The following TSHZ2 variants were observed in gnomAD, a reference collection of about 807,000 sequenced individuals.
TSHZ2 encodes teashirt zinc finger homeobox 2, also known as teashirt homolog 2.
In TSHZ2, 21 loss-of-function variants were observed where a neutral mutation model predicts 74.4. The ratio of observed to expected loss-of-function variants is 0.28; its 90% CI spans 0.20 to 0.41. The LOEUF (loss-of-function observed/expected upper bound fraction) is 0.41. Among genes scored for constraint, TSHZ2 ranks in the 10% least tolerant of loss-of-function variants. TSHZ2 has a pLI of 1.00. For synonymous variants in TSHZ2, 540 were observed against 515.3 expected, an observed-to-expected ratio of 1.05 and a Z score of -0.65; for missense variants, 1,244 against 1,293.5, an observed-to-expected ratio of 0.96 and a Z score of 0.59.
chr20:53,149,621 C>T (rs1331716816), intron 1 of TSHZ2, among the ~76,000 whole-genome samples: 4 of 152,158 alleles, frequency 2.6e-5, no homozygotes, highest in African/African-American at 9.7e-5. Flanking sequence ...GAGACCGTAA[C>T]AGGAAACCTC....
intron 2 of TSHZ2, among the ~76,000 whole-genome samples, chr20:53,323,136 G>A (rs997788606): frequency 6.6e-6 from 1 of 152,198 alleles, no homozygotes; most frequent in Non-Finnish European, 1.5e-5. Flanking sequence ...CCTGGGAGAA[G>A]ATTCTTTCCA....
chr20:53,190,468 T>C (rs1351447154), intron 1 of TSHZ2, among the ~76,000 whole-genome samples: 1 of 151,924 alleles, frequency 6.6e-6, no homozygotes, highest in Non-Finnish European at 1.5e-5. Flanking sequence ...CTGGGCAGAA[T>C]GGAAAATGGA....
intron 1 of TSHZ2, among the ~76,000 whole-genome samples, chr20:53,025,275 AT>A (rs1175325813): frequency 7.2e-5 from 11 of 152,280 alleles, no homozygotes; most frequent in Non-Finnish European, 4.4e-5. Flanking sequence ...AAGAGCAAAC[AT>A]TTAATATGGT....
Position 53,268,473 on chromosome 20 carries a change from C to T in TSHZ2, c.*8+11902C>T, listed in dbSNP as rs757807043. 4.7e-4 allele frequency among the ~76,000 whole-genome samples: 71 copies of T among 152,118 alleles called. 1 individual carries two copies. Among genetic ancestry groups the T allele is most frequent in the Admixed American group, 3.3e-3 (51 of 15,268 alleles). Reference sequence around the variant, plus strand: ...AAAAGACTGCCTATCCAGGCAATAGCGTGACTTAGAAACAGGATTTGAGTA... The same window carrying T: ...AAAAGACTGCCTATCCAGGCAATAGTGTGACTTAGAAACAGGATTTGAGTA... On this transcript the variant is annotated intron_variant, in intron 2 of 2. Transcript: ENST00000371497.
chr20:53,450,216 T>C (rs2145780158), intron 2 of TSHZ2, among the ~76,000 whole-genome samples: 1 of 152,364 alleles, frequency 6.6e-6, no homozygotes, highest in South Asian at 2.1e-4. Context: ...TTTGGCCTGG[T>C]CTCTCTTTTG....
At chr20:53,166,634 G>A (rs1988068819) in intron 1 of TSHZ2, among the ~76,000 whole-genome samples, 1 of 152,086 alleles carries the variant, frequency 6.6e-6, no homozygotes, top group Admixed American at 6.6e-5. Flanking sequence ...AGTCAGGCAT[G>A]GTGGCACATG....
chr20:53,098,848 A>G (rs1281682862), intron 1 of TSHZ2, among the ~76,000 whole-genome samples: 2 of 152,212 alleles, frequency 1.3e-5, no homozygotes, highest in Non-Finnish European at 2.9e-5. Context: ...AGTTTATCCT[A>G]TAACATAAGA....
At position 53,228,038 on chromosome 20, in the gene TSHZ2, TG is replaced by T. The variant is rs1180442460; in HGVS notation, c.41-25460del. ...AATGGTGTTTTTTTTTTTTTTTTTT[TG>T]ATTCTGGTTTGTTGCTGGTATCATT... On this transcript the variant is annotated intron_variant, in intron 1 of 2. Transcript: ENST00000371497. Among the ~76,000 whole-genome samples, 606 of 125,944 alleles carry T rather than the reference TG, an allele frequency of 4.8e-3. 6 individuals carry two copies. The highest frequency in any genetic ancestry group is 0.017 in the African/African-American group (514 of 30,228). 82.6% of individuals were successfully genotyped at this position (125,944 alleles called of 152,430 possible). A position where few individuals can be genotyped will look rare whatever the true frequency, so the allele number is the denominator to read the frequency against.
intron 1 of TSHZ2, among the ~76,000 whole-genome samples, chr20:53,176,378 G>A (rs1988337052): frequency 6.6e-6 from 1 of 152,202 alleles, no homozygotes; most frequent in Admixed American, 6.5e-5. Context: ...TTGGGAGGAG[G>A]TGTCTGCTAG....
chr20:53,344,795 C>A (rs1406517914), intron 2 of TSHZ2, among the ~76,000 whole-genome samples: 2 of 152,184 alleles, frequency 1.3e-5, no homozygotes, highest in African/African-American at 4.8e-5. Flanking sequence ...AAGTTTACAA[C>A]CTTCACTTTC....
chr20:53,287,485 G>A (rs747843532), intron 2 of TSHZ2, among the ~76,000 whole-genome samples: 45 of 152,216 alleles, frequency 3.0e-4, no homozygotes, highest in Non-Finnish European at 1.3e-4. Flanking sequence ...TAAGTAACAT[G>A]TGTACCCTAA....
chr20:53,255,198 A>G lies in TSHZ2; in HGVS notation c.1740A>G (p.Pro580=). ...NLTNKLRPIA[P]KWKVMPLVSM... is the part of the protein sequence containing the mutation. ...CCAACAAGCTGAGGCCCATTGCACCAAAGTGGAAAGTGATGCCACTGGTTT... is the reference window on the plus strand; with the variant it reads ...CCAACAAGCTGAGGCCCATTGCACCGAAGTGGAAAGTGATGCCACTGGTTT... The change falls in exon 2 of 3, where the codon CCA becomes CCG. Residue 580 remains proline, a synonymous_variant. Transcript: ENST00000371497. This position sits in a 1 kb window ranked among gnomAD's most constrained non-coding sequence, Gnocchi z 4.1. 6.2e-7 allele frequency: 1 copy of G among 1,614,218 alleles called. No homozygotes were observed. The highest frequency in any genetic ancestry group is 8.5e-7 in the Non-Finnish European group (1 of 1,180,044).
intron 1 of TSHZ2, among the ~76,000 whole-genome samples, chr20:53,225,667 T>G (rs1989668518): frequency 1.3e-5 from 2 of 152,212 alleles, no homozygotes. Context: ...AAGAAACTGG[T>G]ACTCAGAAAA....
chr20:53,391,451 T>TG (rs1318912165), intron 2 of TSHZ2, among the ~76,000 whole-genome samples: 6 of 150,812 alleles, frequency 4.0e-5, no homozygotes, highest in Non-Finnish European at 8.9e-5. Flanking sequence ...GGCCGTTTTT[T>TG]TTGTTTGTTT....
intron 1 of TSHZ2, among the ~76,000 whole-genome samples, chr20:53,199,016 C>A (rs1020490854): frequency 2.0e-5 from 3 of 152,206 alleles, no homozygotes; most frequent in Non-Finnish European, 4.4e-5. Flanking sequence ...GGAATCCCAC[C>A]TCTGATGCCC....
chr20:52,993,962 C>T (rs532514365), intron 1 of TSHZ2, among the ~76,000 whole-genome samples: 22 of 152,226 alleles, frequency 1.4e-4, no homozygotes, highest in African/African-American at 5.3e-4. Flanking sequence ...CTGATGCTGC[C>T]ATGTAGCTTT....
chr20:53,106,523 G>A (rs141098424), intron 1 of TSHZ2, among the ~76,000 whole-genome samples: 10,487 of 144,452 alleles, frequency 0.073, 435 homozygotes, highest in Non-Finnish European at 0.1. Context: ...TCCTGCCTCA[G>A]CCTCCTGAGT....
At chr20:53,145,168 C>A (rs2089166742) in intron 1 of TSHZ2, among the ~76,000 whole-genome samples, 1 of 152,148 alleles carries the variant, frequency 6.6e-6, no homozygotes, top group Non-Finnish European at 1.5e-5. Flanking sequence ...AAAGCCCATG[C>A]CTGTCTCTCA....
chr20:53,458,261 T>C (rs1267408012), intron 2 of TSHZ2, among the ~76,000 whole-genome samples: 1 of 149,396 alleles, frequency 6.7e-6, no homozygotes, highest in Non-Finnish European at 1.5e-5. Flanking sequence ...TATTCAGAGA[T>C]TCAACTTCTT....
Sources: gnomAD v4.1 joint callset for allele counts (sites outside exome capture counted in the v4.1 genomes callset) on GRCh38, gnomAD v4.1.1 for gene constraint, Gnocchi (gnomAD v3.1) non-coding constraint, MANE v1.5 for transcripts, NCBI Gene and HGNC (gene_info 2026-07-23, HGNC 2026-07-21) for gene names.